The following GVQW3 variants were observed in gnomAD, a reference collection of about 807,000 sequenced individuals.
GVQW3 encodes the protein protein GVQW3.
Under a neutral mutation model 12.5 loss-of-function variants are expected in GVQW3, and 7 were observed. The observed-to-expected ratio is 0.56, with a 90% CI of 0.32 to 1.05. The LOEUF is 1.05. Ranked by LOEUF, GVQW3 falls within the 50% of genes least tolerant of loss-of-function variation. GVQW3 has a pLI of 0.04. For synonymous variants in GVQW3, 71 were observed against 67.2 expected (o/e 1.06, Z -0.28); for missense variants, 188 against 190.8 (o/e 0.99, Z 0.09).
chr11:76,399,441 C>T (rs1946968481), intron 1 of GVQW3, among the ~76,000 whole-genome samples: 1 of 152,156 alleles, frequency 6.6e-6, no homozygotes, highest in African/African-American at 2.4e-5. Context: ...CATGCCTGAA[C>T]TGTTTATTTG....
chr11:76,382,209 G>A lies in GVQW3; in HGVS notation c.381G>A (p.Lys127=), dbSNP rs1289597091. 5 of 1,536,066 alleles carry A rather than the reference G, an allele frequency of 3.3e-6. No homozygotes were observed. Among genetic ancestry groups the A allele is most frequent in the Non-Finnish European group, 4.4e-6 (5 of 1,146,948 alleles). ...CAAAAGTTATTTCGGGTGTTTTGAA[G>A]GGTGAGCCTAAACCACGAAAACTTG... The part of the protein sequence containing the change: ...ISAKVISGVL[K]GEPKPRKLDF... Residue 127 remains lysine (K), a synonymous_variant, in exon 1 of 2, where the codon AAG becomes AAA. Coordinates refer to ENST00000529331, the MANE Select transcript of GVQW3 (RefSeq NM_001347885.2).
chr11:76,397,856 C>T (rs948399790), intron 1 of GVQW3, among the ~76,000 whole-genome samples: 10 of 152,014 alleles, frequency 6.6e-5, no homozygotes, highest in African/African-American at 2.4e-4. Context: ...GAAAATGGGC[C>T]GGTTGCAGTG....
At chr11:76,396,666 T>C (rs1946942367) in intron 1 of GVQW3, among the ~76,000 whole-genome samples, 1 of 152,218 alleles carries the variant, frequency 6.6e-6, no homozygotes, top group South Asian at 2.1e-4. Flanking sequence ...TAAACCTGCA[T>C]ACCGGCTTCG....
intron 1 of GVQW3, among the ~76,000 whole-genome samples, chr11:76,388,470 T>G (rs2226894): frequency 0.95 from 144,635 of 152,004 alleles, 68,893 homozygotes; most frequent in African/African-American, 0.98. Flanking sequence ...CATTACAAAA[T>G]TGTCTGATCC....
intron 1 of GVQW3, among the ~76,000 whole-genome samples, chr11:76,397,731 G>T (rs1348203965): frequency 6.6e-6 from 1 of 152,192 alleles, no homozygotes; most frequent in Non-Finnish European, 1.5e-5. Context: ...AATAAAAGTT[G>T]CATGGTTGAT....
At chr11:76,402,068 A>G (rs1230694852) in intron 1 of GVQW3, among the ~76,000 whole-genome samples, 1 of 152,038 alleles carries the variant, frequency 6.6e-6, no homozygotes, top group Non-Finnish European at 1.5e-5. Flanking sequence ...CCTGGCAGAA[A>G]CTTAAGCCCT....
chr11:76,388,534 A>G (rs1053981625), intron 1 of GVQW3, among the ~76,000 whole-genome samples: 1 of 152,032 alleles, frequency 6.6e-6, no homozygotes, highest in African/African-American at 2.4e-5. Flanking sequence ...CAGCTGCTGA[A>G]AGATTGCATC....
chr11:76,403,938 A>C lies in GVQW3; in HGVS notation c.*180A>C, dbSNP rs142522395. The C allele has an allele frequency of 8.9e-4, 625 of 701,658 alleles. 15 individuals are homozygous for C. Among genetic ancestry groups the C allele is most frequent in the Admixed American group, 1.5e-3 (73 of 49,934 alleles). The allele number at this position is 701,658 out of a possible 1,614,324, so 43.5% of individuals were successfully genotyped here. On this transcript the variant is annotated 3_prime_UTR_variant, in exon 2 of 2. Coordinates refer to ENST00000529331, the MANE Select transcript of GVQW3 (RefSeq NM_001347885.2). ...TCTATTCAGGTCCTCAATGAATTGG[A>C]TGATGTCCATGCACATTAGGGAGGG...
At chr11:76,389,647 G>A (rs1019040701) in intron 1 of GVQW3, 1 of 152,214 alleles carries the variant, frequency 6.6e-6, no homozygotes, top group Non-Finnish European at 1.5e-5. Context: ...CTGACAAGTG[G>A]AAAAGGATAT....
In GVQW3 at chr11:76,399,134, T is replaced by C. The variant is rs144155117; in HGVS notation, c.466-4526T>C. On this transcript the variant is annotated intron_variant, in intron 1 of 1. Transcript: ENST00000529331. The stretch of plus-strand genomic sequence containing the variant: ...TATTTTATTTTATTTTATTTCATTT[T>C]ATTTTATTTTATTTTATTTACTTGA... 1.6e-4 allele frequency among the ~76,000 whole-genome samples: 25 copies of C among 152,110 alleles called. No homozygotes were observed. In the East Asian group the frequency reaches 2.5e-3, roughly 15 times the overall value.
chr11:76,396,838 C>T (rs1281190205), intron 1 of GVQW3, among the ~76,000 whole-genome samples: 1 of 152,082 alleles, frequency 6.6e-6, no homozygotes, highest in African/African-American at 2.4e-5. Context: ...TTTCTTTAAT[C>T]CCCTGGCAAC....
rs184153742 is a variant in GVQW3 at position 76,384,454 on chromosome 11, C to G, written c.465+2161C>G. The stretch of plus-strand genomic sequence containing the variant: ...TCTCCTGACTCAGCCTCCTGAGTAG[C>G]TGGGATTACAGGTGCATGCTGCTAC... On this transcript the variant is annotated intron_variant, in intron 1 of 1. Coordinates refer to ENST00000529331, the MANE Select transcript of GVQW3 (RefSeq NM_001347885.2). Among the ~76,000 whole-genome samples the G allele has an allele frequency of 9.5e-4, 145 of 152,316 alleles. 1 individual carries two copies. Among genetic ancestry groups the G allele is most frequent in the African/African-American group, 3.2e-3 (134 of 41,578 alleles).
chr11:76,397,995 TGTG>T (rs1946954698), intron 1 of GVQW3, among the ~76,000 whole-genome samples: 2 of 151,786 alleles, frequency 1.3e-5, no homozygotes, highest in South Asian at 4.2e-4. Context: ...AGTAGCCTGG[TGTG>T]GTGGCCTGTG....
chr11:76,405,619 G>A lies in GVQW3; in HGVS notation c.*1861G>A, dbSNP rs1454698421. On this transcript the variant is annotated 3_prime_UTR_variant, in exon 2 of 2. Coordinates refer to ENST00000529331, the MANE Select transcript of GVQW3 (RefSeq NM_001347885.2). Reference sequence around the variant, plus strand: ...CCTCCCCTTCAACTGCCCCTCTAAAGTCTTGTCTTGGAGTCACATGAGGTC... The same window carrying A: ...CCTCCCCTTCAACTGCCCCTCTAAAATCTTGTCTTGGAGTCACATGAGGTC... The A allele has an allele frequency of 6.6e-6, 1 of 152,412 alleles. No individual in the cohort carries two copies. The highest frequency in any genetic ancestry group is 1.5e-5 in the Non-Finnish European group (1 of 68,302). The allele number at this position is 152,412 out of a possible 1,614,324, so 9.4% of individuals were successfully genotyped here.
downstream of GVQW3, among the ~76,000 whole-genome samples, chr11:76,409,910 T>A (rs1211401009): frequency 1.3e-5 from 2 of 152,160 alleles, no homozygotes; most frequent in East Asian, 1.9e-4. Flanking sequence ...CCCTGCTCAT[T>A]CTTATAAGTC....
At chr11:76,413,845 G>GC (rs1947097958) in exon 2 of GVQW3, 1 of 46,776 alleles carries the variant, frequency 2.1e-5, no homozygotes, top group Admixed American at 3.8e-4. Flanking sequence ...CAATAATGAT[G>GC]CAAAAAAAAA....
At chr11:76,384,479 C>T (rs1021714283) in intron 1 of GVQW3, among the ~76,000 whole-genome samples, 5 of 152,180 alleles carry the variant, frequency 3.3e-5, no homozygotes, top group Non-Finnish European at 5.9e-5. Flanking sequence ...CATGCTGCTA[C>T]ACCCGGCTAT....
downstream of GVQW3, among the ~76,000 whole-genome samples, chr11:76,409,271 G>A (rs7927830): frequency 0.28 from 42,537 of 151,880 alleles, 6,180 homozygotes; most frequent in Admixed American, 0.4. Context: ...AGGCTCTCAC[G>A]GACCTGTCAT....
At chr11:76,397,085 C>T (rs1373034324) in intron 1 of GVQW3, among the ~76,000 whole-genome samples, 1 of 144,778 alleles carries the variant, frequency 6.9e-6, no homozygotes, top group East Asian at 2.1e-4. Flanking sequence ...CTCACCACAA[C>T]CTCCACCTCC....
Sources: gnomAD v4.1 joint callset for allele counts (sites outside exome capture counted in the v4.1 genomes callset) on GRCh38, gnomAD v4.1.1 for gene constraint, MANE v1.5 for transcripts, NCBI Gene and HGNC (gene_info 2026-07-23, HGNC 2026-07-21) for gene names.